GOLGB1: variants seen among roughly 807,000 people sequenced by gnomAD.
GOLGB1 encodes golgin B1, also known as golgin subfamily B member 1.
In GOLGB1, 174 loss-of-function variants were observed where a neutral mutation model predicts 336.9. The ratio of observed to expected loss-of-function variants is 0.52; its 90% CI spans 0.46 to 0.59. The LOEUF (loss-of-function observed/expected upper bound fraction) is 0.59. GOLGB1 is among the 20% of genes least tolerant of loss of function. The pLI, the probability that GOLGB1 is intolerant of heterozygous loss-of-function variation, is 0.00. For synonymous variants in GOLGB1, 1,208 were observed against 1,289.2 expected, an observed-to-expected ratio of 0.94 and a Z score of 1.35; for missense variants, 3,331 against 3,645.3, an observed-to-expected ratio of 0.91 and a Z score of 2.22.
intron 17 of GOLGB1, among the ~76,000 whole-genome samples, chr3:121,673,067 T>G (rs1197940237): frequency 6.7e-6 from 1 of 149,708 alleles, no homozygotes; most frequent in Non-Finnish European, 1.5e-5. Context: ...GTTTTTTTGT[T>G]TTTTGGTTTT....
At chr3:121,733,381 T>C (rs1343591327) in intron 1 of GOLGB1, among the ~76,000 whole-genome samples, 2 of 150,966 alleles carry the variant, frequency 1.3e-5, no homozygotes, top group East Asian at 1.9e-4. Context: ...ACAACAGCAC[T>C]GAATAAACAG....
rs370624236 is a variant in GOLGB1 at position 121,677,046 on chromosome 3, C to T, written c.9040-16G>A. The stretch of plus-strand genomic sequence containing the variant: ...CTGGGGATGCCTGCCAGGACACAAA[C>T]ATTGATCAGATTCTCTCCTAAGATT... On this transcript the variant is annotated splice_polypyrimidine_tract_variant and intron_variant, in intron 16 of 21. Coordinates refer to ENST00000614479, the MANE Select transcript of GOLGB1 (RefSeq NM_001366282.2). 25 of 1,613,824 alleles carry T rather than the reference C, an allele frequency of 1.5e-5. No individual in the cohort carries two copies. In the African/African-American group the frequency reaches 3.2e-4, roughly 21 times the overall value.
chr3:121,718,599 G>T, intron 7 of GOLGB1, 98 bp from the exon 8 acceptor site: 1 of 883,058 alleles, frequency 1.1e-6, no homozygotes. Flanking sequence ...CTTAAATTTT[G>T]GGGTGTTGAA....
rs527698157 is a variant in GOLGB1 at position 121,692,248 on chromosome 3, T to C, written c.7116A>G (p.Arg2372=). ...CTTCATGCAGCCTACTGGTCAGTTC[T>C]CTGGAGGCCTGAAGATCAGTCTCCA... ...EQLETDLQAS[R]ELTSRLHEEI... is the part of the protein sequence containing the mutation. Residue 2372 remains arginine (R), a synonymous_variant, in exon 14 of 22, where the codon AGA becomes AGG. Coordinates refer to ENST00000614479, the MANE Select transcript of GOLGB1 (RefSeq NM_001366282.2). The C allele has an allele frequency of 1.1e-5, 17 of 1,602,944 alleles. No homozygotes were observed. In the African/African-American group the frequency reaches 1.6e-4, roughly 15 times the overall value.
At chr3:121,688,978 G>A (rs1161438843) in intron 14 of GOLGB1, among the ~76,000 whole-genome samples, 5 of 151,794 alleles carry the variant, frequency 3.3e-5, no homozygotes, top group African/African-American at 4.8e-5. Flanking sequence ...AGTGAGGAGC[G>A]TCTCCGCCCG....
intron 17 of GOLGB1, among the ~76,000 whole-genome samples, chr3:121,672,026 T>C (rs1272101862): frequency 6.6e-6 from 1 of 152,258 alleles, no homozygotes; most frequent in Non-Finnish European, 1.5e-5. Context: ...TACCACATTC[T>C]TAATCTATTC....
In GOLGB1 at chr3:121,664,734, G is replaced by C. The variant is rs1163847843; in HGVS notation, c.9661-120C>G. On this transcript the variant is annotated intron_variant, in intron 21 of 21. Coordinates refer to ENST00000614479, the MANE Select transcript of GOLGB1 (RefSeq NM_001366282.2). ...ACCACTGTAGAAAGGGGTATTCTGA[G>C]AGGAAAGTTGCCTCAGAGTCAACAA... is the stretch of plus-strand genomic sequence containing the variant. The C allele has an allele frequency of 3.0e-6, 3 of 991,422 alleles. No individual in the cohort carries two copies. In the African/African-American group the frequency reaches 4.8e-5, roughly 16 times the overall value. The allele number at this position is 991,422 out of a possible 1,614,324, so 61.4% of individuals were successfully genotyped here.
intron 1 of GOLGB1, among the ~76,000 whole-genome samples, chr3:121,737,212 C>G (rs776046607): frequency 6.6e-6 from 1 of 152,204 alleles, no homozygotes; most frequent in Non-Finnish European, 1.5e-5. Context: ...TCAGTGTCAA[C>G]TGCTAGTCCA....
Position 121,727,220 on chromosome 3 carries a change from G to A in GOLGB1, c.403-179C>T, listed in dbSNP as rs1945684912. 3.5e-5 allele frequency among the ~76,000 whole-genome samples: 5 copies of A among 141,698 alleles called. No individual in the cohort carries two copies. The South Asian group carries it at 1.1e-3, about 32-fold the overall frequency. 93.0% of individuals were successfully genotyped at this position (141,698 alleles called of 152,430 possible). A position where few individuals can be genotyped will look rare whatever the true frequency, so the allele number is the denominator to read the frequency against. On this transcript the variant is annotated intron_variant, in intron 4 of 21. Transcript: ENST00000614479. ...CTTAGGGTTGTCCAGTTTTTGTATG[G>A]CCAAGCAGTTCCTGTTAGACCTACC...
intron 17 of GOLGB1, among the ~76,000 whole-genome samples, chr3:121,674,052 G>T (rs1939976418): frequency 1.3e-5 from 2 of 152,138 alleles, no homozygotes; most frequent in Admixed American, 1.3e-4. Context: ...TTTCCAGATT[G>T]TTTGCTGTTG....
At position 121,729,262 on chromosome 3, in the gene GOLGB1, A is replaced by G. The variant is rs900856651; in HGVS notation, c.328T>C (p.Tyr110His). ...AKAKLTSLNK[Y>H]IEEMKAQGGT... The stretch of plus-strand genomic sequence containing the variant: ...CCTTGTGCTTTCATTTCTTCTATGT[A>G]TTTATTCAAAGAAGTTAATTTGGCC... The change falls in exon 4 of 22, where the codon TAC becomes CAC. Residue 110 changes from tyrosine (Y) to histidine (H), a missense_variant. Physicochemically the swap from Tyr to His is moderately conservative, Grantham distance 83 (BLOSUM62 2). Coordinates refer to ENST00000614479, the MANE Select transcript of GOLGB1 (RefSeq NM_001366282.2). The G allele has an allele frequency of 1.9e-6, 3 of 1,612,724 alleles. No individual in the cohort carries two copies. The African/African-American group carries it at 4.0e-5, about 22-fold the overall frequency.
chr3:121,723,512 A>T (rs1346415150), intron 5 of GOLGB1, among the ~76,000 whole-genome samples: 1 of 152,270 alleles, frequency 6.6e-6, no homozygotes, highest in African/African-American at 2.4e-5. Context: ...GTTCAAAAAT[A>T]AATATAGACA....
chr3:121,681,606 A>G (rs1576300303), intron 15 of GOLGB1, 81 bp downstream of exon 15: 1 of 973,034 alleles, frequency 1.0e-6, no homozygotes, highest in South Asian at 1.6e-5. Flanking sequence ...AGCTCTCTGC[A>G]CTATTTTCCC....
intron 1 of GOLGB1, among the ~76,000 whole-genome samples, chr3:121,747,599 T>C (rs1947458266): frequency 1.3e-5 from 2 of 151,854 alleles, no homozygotes; most frequent in Non-Finnish European, 1.5e-5. Flanking sequence ...CCATGGATAT[T>C]GAAAGTGCCT....
At chr3:121,677,060 TCTC>T in intron 16 of GOLGB1, 30 bp from the exon 17 acceptor site, 1 of 1,613,168 alleles carries the variant, frequency 6.2e-7, no homozygotes, top group Non-Finnish European at 8.5e-7. Flanking sequence ...GATCAGATTC[TCTC>T]CTAAGATTGC....
intron 15 of GOLGB1, among the ~76,000 whole-genome samples, chr3:121,677,761 T>G (rs1940597606): frequency 6.6e-6 from 1 of 152,216 alleles, no homozygotes; most frequent in African/African-American, 2.4e-5. Context: ...CTTTAGAGCT[T>G]TGCAGCTCTT....
intron 11 of GOLGB1, among the ~76,000 whole-genome samples, chr3:121,701,874 A>C (rs1943442505): frequency 6.6e-6 from 1 of 152,162 alleles, no homozygotes; most frequent in Admixed American, 6.6e-5. Flanking sequence ...ATTTTAATAC[A>C]ATGTTAAAAG....
intron 17 of GOLGB1, among the ~76,000 whole-genome samples, chr3:121,672,799 T>C (rs1939725014): frequency 6.6e-6 from 1 of 152,224 alleles, no homozygotes; most frequent in South Asian, 2.1e-4. Flanking sequence ...TTTGATTTGA[T>C]TTTTGTATGA....
chr3:121,718,030 T>C (rs1485528128), intron 8 of GOLGB1, among the ~76,000 whole-genome samples: 1 of 152,202 alleles, frequency 6.6e-6, no homozygotes, highest in Non-Finnish European at 1.5e-5. Context: ...TTTCCACTTG[T>C]GGTGTCATGT....
Sources: gnomAD v4.1 joint callset for allele counts (sites outside exome capture counted in the v4.1 genomes callset) on GRCh38, gnomAD v4.1.1 for gene constraint, MANE v1.5 for transcripts, NCBI Gene and HGNC (gene_info 2026-07-23, HGNC 2026-07-21) for gene names.